DIAPH2: variants seen among roughly 807,000 people sequenced by gnomAD.
DIAPH2 encodes protein diaphanous homolog 2.
Under a neutral mutation model 92.7 loss-of-function variants are expected in DIAPH2, and 35 were observed. That is an observed-to-expected ratio of 0.38 (90% confidence interval 0.29 to 0.50). The LOEUF (loss-of-function observed/expected upper bound fraction) is 0.50. Among genes scored for constraint, DIAPH2 ranks in the 20% least tolerant of loss-of-function variants. The probability of loss-of-function intolerance (pLI) is 0.94; values close to 1 mark genes in which losing one functional copy is unlikely to be tolerated. For missense variants in DIAPH2, 701 were observed against 819.5 expected, an observed-to-expected ratio of 0.86 and a Z score of 1.77; for synonymous variants, 301 against 280.4, an observed-to-expected ratio of 1.07 and a Z score of -0.73.
chrX:97,105,222 G>A (rs989469050), intron 20 of DIAPH2, among the ~76,000 whole-genome samples: 1 of 111,393 alleles, frequency 9.0e-6, no homozygotes, highest in African/African-American at 3.3e-5. Flanking sequence ...CAGTGACTGG[G>A]ACACTAAGCT....
At chrX:97,203,832 C>T (rs762022852) in intron 22 of DIAPH2, among the ~76,000 whole-genome samples, 24 of 111,536 alleles carry the variant, frequency 2.2e-4, no homozygotes, top group Non-Finnish European at 3.8e-4. Context: ...GAGGCCAGCA[C>T]GATCCTGATA....
chrX:97,193,012 CT>C (rs373054114), intron 22 of DIAPH2, among the ~76,000 whole-genome samples: 92 of 86,540 alleles, frequency 1.1e-3, no homozygotes, highest in African/African-American at 1.7e-3. Context: ...TTTTTCTTTT[CT>C]TTTTTTTTTT....
rs1301037159 is a variant in DIAPH2, at chrX:97,571,468, A to AGAT, written c.3242-27781_3242-27779dup. 2.7e-5 allele frequency among the ~76,000 whole-genome samples: 3 copies of AGAT among 111,715 alleles called. No individual in the cohort carries two copies. The Admixed American group carries it at 2.9e-4, about 11-fold the overall frequency. ...GTTTTGAGTACATTAAAAATACAGT[A>AGAT]GATGATTATTGCAATATAAGGGGAA... On this transcript the variant is annotated intron_variant, in intron 26 of 26. Transcript: ENST00000324765.
intron 23 of DIAPH2, among the ~76,000 whole-genome samples, chrX:97,280,201 G>A (rs890700592): frequency 1.8e-5 from 2 of 111,001 alleles, no homozygotes; most frequent in Non-Finnish European, 3.8e-5. Context: ...GCAGCCGGGC[G>A]CGGTGGCTCA....
chrX:97,125,471 CAAAAAAAAAAAAAAAA>C (rs1159049051), intron 21 of DIAPH2, among the ~76,000 whole-genome samples: 18 of 19,206 alleles, frequency 9.4e-4, no homozygotes, highest in Non-Finnish European at 2.5e-3. Flanking sequence ...GACTCCGTCT[CAAAAAAAAAAAAAAAA>C]AAAAAAAAAA....
intron 26 of DIAPH2, among the ~76,000 whole-genome samples, chrX:97,579,444 C>T (rs191454204): frequency 2.4e-4 from 26 of 110,586 alleles, no homozygotes; most frequent in African/African-American, 7.9e-4. Context: ...TTCCCCATTG[C>T]TTTTCTCAGG....
chrX:96,699,546 G>A (rs1026246660), intron 1 of DIAPH2, among the ~76,000 whole-genome samples: 1 of 111,940 alleles, frequency 8.9e-6, no homozygotes, highest in Non-Finnish European at 1.9e-5. Context: ...ATTCTCTCCA[G>A]CACAAAGAAT....
intron 17 of DIAPH2, among the ~76,000 whole-genome samples, chrX:97,053,317 C>G (rs1664851431): frequency 9.0e-6 from 1 of 111,408 alleles, no homozygotes; most frequent in African/African-American, 3.3e-5. Flanking sequence ...TACTTTCTTG[C>G]CAGGTTATCT....
rs2066181473 is a variant in DIAPH2, at chrX:97,006,225, T to C, written c.2050+41018T>C. Among the ~76,000 whole-genome samples the C allele has an allele frequency of 1.8e-5, 2 of 112,051 alleles. 1 individual carries two copies. Among genetic ancestry groups the C allele is most frequent in the Admixed American group, 1.9e-4 (2 of 10,577 alleles). On this transcript the variant is annotated intron_variant, in intron 17 of 26. Transcript: ENST00000324765. Reference sequence around the variant, plus strand: ...GTGGTATGTCCTTGAGAATGATCCATATGCTGAGGAAGAAAATGTGTATTC... The same window carrying C: ...GTGGTATGTCCTTGAGAATGATCCACATGCTGAGGAAGAAAATGTGTATTC...
intron 25 of DIAPH2, among the ~76,000 whole-genome samples, chrX:97,400,037 T>C (rs2147748210): frequency 8.9e-6 from 1 of 112,369 alleles, no homozygotes; most frequent in African/African-American, 3.2e-5. Flanking sequence ...CACATGAATT[T>C]GGACCTTAAT....
At chrX:97,047,838 T>C (rs1388532795) in intron 17 of DIAPH2, among the ~76,000 whole-genome samples, 1 of 110,387 alleles carries the variant, frequency 9.1e-6, no homozygotes, top group Admixed American at 9.7e-5. Flanking sequence ...ATCTTAGCTT[T>C]TATCATTGAC....
chrX:97,044,827 AGTCACTGTCTTACATT>A (rs763297361), intron 17 of DIAPH2, among the ~76,000 whole-genome samples: 122 of 111,286 alleles, frequency 1.1e-3, no homozygotes, highest in African/African-American at 3.9e-3. Context: ...TTATTCTATT[AGTCACTGTCTTACATT>A]GTCATCTCAC....
At chrX:97,127,716 C>G (rs73534728) in intron 21 of DIAPH2, among the ~76,000 whole-genome samples, 2,383 of 112,484 alleles carry the variant, frequency 0.021, 65 homozygotes, top group African/African-American at 0.073. Flanking sequence ...ATAAAATTTA[C>G]TCATTTTAGG....
chrX:96,804,021 C>A (rs187897486), intron 4 of DIAPH2, among the ~76,000 whole-genome samples: 1 of 110,838 alleles, frequency 9.0e-6, no homozygotes, highest in East Asian at 2.8e-4. Context: ...CCTAGGTGAC[C>A]GAAAAAAAAA....
intron 26 of DIAPH2, among the ~76,000 whole-genome samples, chrX:97,496,786 C>T (rs955733040): frequency 9.2e-6 from 1 of 109,208 alleles, no homozygotes; most frequent in African/African-American, 3.3e-5. Flanking sequence ...GATCCGCCCA[C>T]ATCGGCCTCC....
intron 21 of DIAPH2, among the ~76,000 whole-genome samples, chrX:97,122,572 G>C (rs2067065374): frequency 9.0e-6 from 1 of 111,463 alleles, no homozygotes; most frequent in Non-Finnish European, 1.9e-5. Flanking sequence ...AATTTTCATT[G>C]ACTCTTTTGC....
chrX:97,570,115 T>TTAGAAG (rs1375050295), intron 26 of DIAPH2, among the ~76,000 whole-genome samples: 1 of 29,042 alleles, frequency 3.4e-5, no homozygotes, highest in African/African-American at 1.2e-4. Context: ...TATATATATA[T>TTAGAAG]ATATATATTA....
chrX:97,095,308 G>C (rs1403599974), intron 19 of DIAPH2, among the ~76,000 whole-genome samples: 1 of 104,079 alleles, frequency 9.6e-6, no homozygotes, highest in Non-Finnish European at 2.0e-5. Context: ...AGTAGAGACG[G>C]GGTTTCACCG....
intron 24 of DIAPH2, among the ~76,000 whole-genome samples, chrX:97,382,036 A>C (rs2069554458): frequency 9.0e-6 from 1 of 111,357 alleles, no homozygotes; most frequent in African/African-American, 3.3e-5. Flanking sequence ...CAAATTAGAG[A>C]TTTGACCACT....
Sources: gnomAD v4.1 joint callset for allele counts (sites outside exome capture counted in the v4.1 genomes callset) on GRCh38, gnomAD v4.1.1 for gene constraint, MANE v1.5 for transcripts, NCBI Gene and HGNC (gene_info 2026-07-23, HGNC 2026-07-21) for gene names.